The following LRRC9 variants were observed in gnomAD, a reference collection of about 807,000 sequenced individuals.
LRRC9 encodes the protein leucine-rich repeat-containing protein 9.
LRRC9 carries 122 observed loss-of-function variants against 63.2 expected under a neutral mutation model. The observed-to-expected ratio is 1.93, with a 90% CI of 1.67 to 2.24. The LOEUF (loss-of-function observed/expected upper bound fraction) is 2.24. Ranked by LOEUF, LRRC9 falls within the 30% of genes most tolerant of loss-of-function variation. The pLI is 0.00. For missense variants in LRRC9, 1,071 were observed against 627.7 expected, an observed-to-expected ratio of 1.71 and a Z score of -7.55; for synonymous variants, 366 against 213.1, an observed-to-expected ratio of 1.72 and a Z score of -6.25.
At chr14:60,016,855 C>A (rs1055395291) in intron 24 of LRRC9, 65 bp downstream of exon 24, 3 of 572,176 alleles carry the variant, frequency 5.2e-6, no homozygotes, top group South Asian at 2.4e-5. Context: ...TATCATTTTT[C>A]TGAAGCTTAC....
intron 27 of LRRC9, among the ~76,000 whole-genome samples, chr14:60,025,896 A>G (rs151055673): frequency 1.3e-5 from 2 of 152,164 alleles, no homozygotes; most frequent in Non-Finnish European, 2.9e-5. Context: ...AAAGGAATAA[A>G]TATTAGGACT....
intron 13 of LRRC9, 46 bp from the exon 14 acceptor site, chr14:59,977,179 T>G (rs1463198222): frequency 9.3e-6 from 6 of 642,504 alleles, no homozygotes; most frequent in Non-Finnish European, 5.5e-6. Flanking sequence ...GGAAAATTAT[T>G]AAAGTTAATT....
chr14:60,031,211 T>C lies in LRRC9; in HGVS notation c.3922-784T>C, dbSNP rs1891965218. Among the ~76,000 whole-genome samples, 4 of 152,064 alleles carry C rather than the reference T, an allele frequency of 2.6e-5. No homozygotes were observed. The highest frequency in any genetic ancestry group is 2.0e-4 in the Admixed American group (3 of 15,232). Reference sequence around the variant, plus strand: ...CCAAAATTAAAATAGTAAAGATCAGTCATTTTAAAAATCAAATTCACTTCC... The same window carrying C: ...CCAAAATTAAAATAGTAAAGATCAGCCATTTTAAAAATCAAATTCACTTCC... On this transcript the variant is annotated intron_variant, in intron 28 of 31. Transcript: ENST00000445360. The surrounding 1 kb of genome is among the most constrained non-coding windows in gnomAD (Gnocchi z 4.6).
At position 59,942,324 on chromosome 14, in the gene LRRC9, T is replaced by C. The variant is rs1395708807; in HGVS notation, c.727-2265T>C. 6.6e-6 allele frequency among the ~76,000 whole-genome samples: 1 copy of C among 152,202 alleles called. No homozygotes were observed. Among genetic ancestry groups the C allele is most frequent in the Non-Finnish European group, 1.5e-5 (1 of 68,028 alleles). Reference sequence around the variant, plus strand: ...AAACGTGGGGGTGCAGGTATCCCTTTGATACACTGATTTCCTTTGTTTTGG... The same window carrying C: ...AAACGTGGGGGTGCAGGTATCCCTTCGATACACTGATTTCCTTTGTTTTGG... On this transcript the variant is annotated intron_variant, in intron 7 of 31. Coordinates refer to ENST00000445360, the Ensembl canonical transcript of LRRC9. This position sits in a 1 kb window ranked among gnomAD's most constrained non-coding sequence, Gnocchi z 5.3.
At chr14:60,015,466 G>C (rs368924335) in intron 23 of LRRC9, among the ~76,000 whole-genome samples, 6 of 152,122 alleles carry the variant, frequency 3.9e-5, no homozygotes, top group African/African-American at 1.4e-4. Context: ...GTTGCTGTCA[G>C]GTGGGAGATA....
At chr14:59,939,873 T>C (rs1881572039) in intron 7 of LRRC9, among the ~76,000 whole-genome samples, 1 of 151,926 alleles carries the variant, frequency 6.6e-6, no homozygotes, top group Non-Finnish European at 1.5e-5. Context: ...GATATATGAG[T>C]CTACTATGTA....
rs906822845 is a variant in LRRC9 at position 60,032,211 on chromosome 14, T to G, written c.3990+148T>G. ...CCCAAATTTATTGACTTCTTCCAAC[T>G]AATTACAGTGCAAACTGTTATTGTC... On this transcript the variant is annotated intron_variant, in intron 29 of 31. Coordinates refer to ENST00000445360, the Ensembl canonical transcript of LRRC9. 2.5e-5 allele frequency: 14 copies of G among 562,330 alleles called. No homozygotes were observed. In the East Asian group the frequency reaches 4.0e-4, roughly 16 times the overall value. 34.8% of individuals were successfully genotyped at this position (562,330 alleles called of 1,614,324 possible).
intron 16 of LRRC9, among the ~76,000 whole-genome samples, chr14:59,982,471 AG>A (rs2140104573): frequency 6.6e-6 from 1 of 152,284 alleles, no homozygotes; most frequent in African/African-American, 2.4e-5. Flanking sequence ...GCATCTGGTG[AG>A]GGCCTTGCAG....
At position 59,974,642 on chromosome 14, in the gene LRRC9, GA is replaced by G. The variant is rs1885918132; in HGVS notation, c.1575del (p.Glu525AspfsTer63). On this transcript the variant is annotated frameshift_variant, in exon 13 of 32. Coordinates refer to ENST00000445360, the Ensembl canonical transcript of LRRC9. LOFTEE classifies it high-confidence loss of function. ...AAGTATAAGTGAGTGTCCCAGAATT[GA>G]ATTTTTACAGCAAAAGCACAAAGAT... The G allele has an allele frequency of 1.4e-6, 1 of 692,092 alleles. No homozygotes were observed. The highest frequency in any genetic ancestry group is 1.8e-5 in the African/African-American group (1 of 56,668). The allele number at this position is 692,092 out of a possible 1,614,324, so 42.9% of individuals were successfully genotyped here. A position where few individuals can be genotyped will look rare whatever the true frequency, so the allele number is the denominator to read the frequency against.
At position 60,004,881 on chromosome 14, in the gene LRRC9, T is replaced by TACACACACACAC. The variant is rs10550604; in HGVS notation, c.2842+1096_2842+1107dup. 7.1e-4 allele frequency among the ~76,000 whole-genome samples: 107 copies of TACACACACACAC among 150,352 alleles called. No homozygotes were observed. Among genetic ancestry groups the TACACACACACAC allele is most frequent in the Non-Finnish European group, 8.9e-4 (60 of 67,260 alleles). On this transcript the variant is annotated intron_variant, in intron 21 of 31. Transcript: ENST00000445360. This position sits in a 1 kb window ranked among gnomAD's most constrained non-coding sequence, Gnocchi z 4.8. ...AAAGAGAAATATGTATATGTGTGTA[T>TACACACACACAC]ACACACACACACACACACACACACT... is the stretch of plus-strand genomic sequence containing the variant.
intron 26 of LRRC9, among the ~76,000 whole-genome samples, chr14:60,020,426 T>C (rs1329114927): frequency 6.6e-6 from 1 of 151,992 alleles, no homozygotes; most frequent in African/African-American, 2.4e-5. Flanking sequence ...ATTTCATTTA[T>C]ATACATACTT....
chr14:59,925,383 G>A lies in LRRC9; in HGVS notation c.-33-2528G>A, dbSNP rs533477564. Among the ~76,000 whole-genome samples, 15 of 152,292 alleles carry A rather than the reference G, an allele frequency of 9.8e-5. No homozygotes were observed. The South Asian group carries it at 2.9e-3, about 29-fold the overall frequency. On this transcript the variant is annotated intron_variant, in intron 1 of 31. Transcript: ENST00000445360. Reference sequence around the variant, plus strand: ...CCTTGAAGTCTGCCTCCTCTGGAGAGAAGGAACAGTATGTACTCACATGGC... The same window carrying A: ...CCTTGAAGTCTGCCTCCTCTGGAGAAAAGGAACAGTATGTACTCACATGGC...
intron 8 of LRRC9, among the ~76,000 whole-genome samples, chr14:59,945,025 T>TA (rs1882208612): frequency 6.6e-6 from 1 of 151,978 alleles, no homozygotes; most frequent in Admixed American, 6.6e-5. Flanking sequence ...GAATTTTGTT[T>TA]AAAAAAACTG....
At chr14:59,934,842 T>C (rs1890002197) in intron 6 of LRRC9, among the ~76,000 whole-genome samples, 1 of 152,210 alleles carries the variant, frequency 6.6e-6, no homozygotes, top group South Asian at 2.1e-4. Context: ...TTAAAAGAGC[T>C]CTTTTAAATC....
At chr14:59,979,574 G>T (rs1174800528) in intron 15 of LRRC9, among the ~76,000 whole-genome samples, 1 of 151,918 alleles carries the variant, frequency 6.6e-6, no homozygotes, top group Non-Finnish European at 1.5e-5. Flanking sequence ...ATCGCGCCAC[G>T]GCATTCCAGC....
At position 60,060,603 on chromosome 14, in the gene LRRC9, TGGTGGC is replaced by T. The variant is rs1566916979; in HGVS notation, c.4276+2584_4276+2589del. On this transcript the variant is annotated intron_variant, in intron 31 of 31. Coordinates refer to ENST00000445360, the Ensembl canonical transcript of LRRC9. The surrounding 1 kb of genome is among the most constrained non-coding windows in gnomAD (Gnocchi z 4.0). Reference sequence around the variant, plus strand: ...AAAATACAAAAAAATTAGCTGGGCATGGTGGCGGGCGCCTGTAGTCCCAGCTACTCG... The same window carrying T: ...AAAATACAAAAAAATTAGCTGGGCATGGGCGCCTGTAGTCCCAGCTACTCG... Among the ~76,000 whole-genome samples, 2 of 151,980 alleles carry T rather than the reference TGGTGGC, an allele frequency of 1.3e-5. No individual in the cohort carries two copies. Among genetic ancestry groups the T allele is most frequent in the Admixed American group, 6.5e-5 (1 of 15,268 alleles).
chr14:59,979,988 G>T (rs150733727), intron 15 of LRRC9, among the ~76,000 whole-genome samples: 64 of 152,004 alleles, frequency 4.2e-4, no homozygotes, highest in African/African-American at 1.4e-3. Context: ...TTAAAAAAAA[G>T]AAAAACTCAT....
chr14:59,997,717 G>T, exon 18 of LRRC9: 1 of 702,610 alleles, frequency 1.4e-6, no homozygotes, highest in Non-Finnish European at 2.6e-6. Context: ...GGATTTAGAG[G>T]TCTGATGAAA....
chr14:60,054,193 T>C (rs1894106972), intron 30 of LRRC9, among the ~76,000 whole-genome samples: 1 of 152,216 alleles, frequency 6.6e-6, no homozygotes, highest in Non-Finnish European at 1.5e-5. Flanking sequence ...ATACTCAACT[T>C]TTGATACTTG....
Sources: allele counts gnomAD v4.1 joint callset (sites outside exome capture counted in the v4.1 genomes callset), GRCh38; gene constraint gnomAD v4.1.1; non-coding constraint Gnocchi (gnomAD v3.1); transcripts MANE v1.5; gene names NCBI Gene and HGNC (gene_info 2026-07-23, HGNC 2026-07-21).